RBFOX1: variants seen among roughly 807,000 people sequenced by gnomAD.
RBFOX1 encodes RNA binding protein fox-1 homolog 1.
A neutral mutation model predicts 57.7 loss-of-function variants in RBFOX1; 8 were observed. That is an observed-to-expected ratio of 0.14 (90% CI 0.08 to 0.25). The LOEUF is 0.25. Ranked by LOEUF, RBFOX1 falls within the 10% of genes least tolerant of loss-of-function variation. The pLI is 1.00. For synonymous variants in RBFOX1, 326 were observed against 222.4 expected (o/e 1.47, Z -4.15); for missense variants, 611 against 548.5 (o/e 1.11, Z -1.14).
rs1208712046 is a variant in RBFOX1 at position 6,508,053 on chromosome 16, G to A, written c.-63-146550G>A. Among the ~76,000 whole-genome samples, 5 of 152,294 alleles carry A rather than the reference G, an allele frequency of 3.3e-5. No individual in the cohort carries two copies. In the East Asian group the frequency reaches 9.7e-4, roughly 29 times the overall value. ...CAGCCATAAAAAAGAAAAAGATCATGTCCTTTGCAGGGACATGAATGGAGC... is the reference window on the plus strand; with the variant it reads ...CAGCCATAAAAAAGAAAAAGATCATATCCTTTGCAGGGACATGAATGGAGC... On this transcript the variant is annotated intron_variant, in intron 2 of 15. Transcript: ENST00000550418.
At chr16:7,050,628 A>T (rs1053591919) in intron 3 of RBFOX1, among the ~76,000 whole-genome samples, 6 of 152,054 alleles carry the variant, frequency 3.9e-5, no homozygotes, top group Non-Finnish European at 7.4e-5. Flanking sequence ...GAACCATAAT[A>T]TTGTATATTT....
chr16:5,955,118 T>TTAAAAAAAAAAAAAAAA (rs2059599305), intron 4 of RBFOX1, among the ~76,000 whole-genome samples: 3 of 14,290 alleles, frequency 2.1e-4, no homozygotes, highest in African/African-American at 1.1e-3. Context: ...CCATCTCTAC[T>TTAAAAAAAAAAAAAAAA]AAAAAAAAAA....
chr16:5,975,599 C>T (rs2060046721), intron 4 of RBFOX1, among the ~76,000 whole-genome samples: 1 of 152,144 alleles, frequency 6.6e-6, no homozygotes, highest in Admixed American at 6.6e-5. Context: ...ATTCATCTTT[C>T]CTGTGTCCAG....
chr16:7,476,957 A>G (rs1037949238), intron 4 of RBFOX1, among the ~76,000 whole-genome samples: 1 of 152,088 alleles, frequency 6.6e-6, no homozygotes, highest in Non-Finnish European at 1.5e-5. Flanking sequence ...CCCCTCCATC[A>G]TAGTGCAATT....
intron 2 of RBFOX1, among the ~76,000 whole-genome samples, chr16:6,574,543 C>A (rs912409611): frequency 2.7e-5 from 4 of 149,992 alleles, no homozygotes; most frequent in African/African-American, 9.7e-5. Flanking sequence ...ATTCTCCTGC[C>A]TCAGCCTCCC....
chr16:6,229,545 A>C (rs2097442958), intron 1 of RBFOX1, among the ~76,000 whole-genome samples: 1 of 152,252 alleles, frequency 6.6e-6, no homozygotes, highest in Non-Finnish European at 1.5e-5. Context: ...CGCTCATAAA[A>C]AGAGATAAAT....
At chr16:7,029,815 G>T (rs1435684795) in intron 3 of RBFOX1, among the ~76,000 whole-genome samples, 1 of 152,120 alleles carries the variant, frequency 6.6e-6, no homozygotes, top group African/African-American at 2.4e-5. Flanking sequence ...ATTATGAAAA[G>T]CATGGCTTGT....
chr16:6,448,876 G>C (rs896527787), intron 2 of RBFOX1, among the ~76,000 whole-genome samples: 5 of 152,080 alleles, frequency 3.3e-5, no homozygotes, highest in African/African-American at 9.7e-5. Flanking sequence ...TTTATTTTGA[G>C]TTGAGAGATA....
Position 6,153,832 on chromosome 16 carries a change from G to A in RBFOX1, c.-127+133840G>A, listed in dbSNP as rs145482677. Among the ~76,000 whole-genome samples the A allele has an allele frequency of 6.7e-4, 102 of 152,198 alleles. 1 individual carries two copies. Among genetic ancestry groups the A allele is most frequent in the African/African-American group, 2.1e-3 (87 of 41,542 alleles). ...ATTACAGGTGTGAGCCACCATGCCC[G>A]GCCCATTATATCATCTTAGGCTTCG... On this transcript the variant is annotated intron_variant, in intron 1 of 15. Coordinates refer to ENST00000550418, the MANE Select transcript of RBFOX1 (RefSeq NM_018723.4).
chr16:7,038,440 A>G (rs1259622108), intron 3 of RBFOX1, among the ~76,000 whole-genome samples: 1 of 152,196 alleles, frequency 6.6e-6, no homozygotes, highest in Non-Finnish European at 1.5e-5. Flanking sequence ...TTGGTTCACA[A>G]AATACCTTAT....
intron 3 of RBFOX1, among the ~76,000 whole-genome samples, chr16:5,796,581 A>ATGATGG (rs1443976991): frequency 6.8e-6 from 1 of 147,408 alleles, no homozygotes; most frequent in Non-Finnish European, 1.5e-5. Flanking sequence ...GATGATGATG[A>ATGATGG]TGGTGACAGC....
intron 1 of RBFOX1, among the ~76,000 whole-genome samples, chr16:6,129,087 T>C (rs2096610935): frequency 7.7e-6 from 1 of 129,350 alleles, no homozygotes; most frequent in Non-Finnish European, 1.9e-5. Context: ...ATTTCTATAA[T>C]GCATTATGCA....
intron 3 of RBFOX1, among the ~76,000 whole-genome samples, chr16:7,028,588 AC>A (rs2041680117): frequency 6.7e-5 from 2 of 30,024 alleles, no homozygotes; most frequent in East Asian, 1.1e-3. Context: ...ACTCCCTCAC[AC>A]ACACACACAC....
chr16:7,011,141 G>A (rs1402838800), intron 3 of RBFOX1, among the ~76,000 whole-genome samples: 1 of 151,474 alleles, frequency 6.6e-6, no homozygotes, highest in African/African-American at 2.4e-5. Flanking sequence ...TTACATAGTT[G>A]AAAAGTCAAA....
chr16:7,603,056 C>G (rs1033563853), intron 9 of RBFOX1, among the ~76,000 whole-genome samples: 2 of 152,134 alleles, frequency 1.3e-5, no homozygotes, highest in African/African-American at 4.8e-5. Flanking sequence ...ATGCCAAAGT[C>G]TATGGGATAC....
intron 4 of RBFOX1, among the ~76,000 whole-genome samples, chr16:6,009,530 T>C (rs939483582): frequency 6.6e-6 from 1 of 152,190 alleles, no homozygotes; most frequent in African/African-American, 2.4e-5. Flanking sequence ...AAAATACCTG[T>C]AGATTTTAAT....
intron 1 of RBFOX1, among the ~76,000 whole-genome samples, chr16:5,367,569 A>G (rs1384954937): frequency 6.6e-6 from 1 of 152,214 alleles, no homozygotes; most frequent in African/African-American, 2.4e-5. Context: ...AACCTTCCCC[A>G]GTGGATACTA....
At chr16:7,693,408 TCAGTATCC>T in intron 14 of RBFOX1, 2 of 1,297,910 alleles carry the variant, frequency 1.5e-6, no homozygotes, top group Non-Finnish European at 2.1e-6. Context: ...CATCCAAGTC[TCAGTATCC>T]TTTTTTTTTT....
At chr16:7,662,885 T>C (rs764581450) in intron 12 of RBFOX1, among the ~76,000 whole-genome samples, 2 of 152,254 alleles carry the variant, frequency 1.3e-5, no homozygotes, top group African/African-American at 2.4e-5. Context: ...TCAAGTAATA[T>C]GTGCAAAGGC....
Sources: gnomAD v4.1 joint callset for allele counts (sites outside exome capture counted in the v4.1 genomes callset) on GRCh38, gnomAD v4.1.1 for gene constraint, MANE v1.5 for transcripts, NCBI Gene and HGNC (gene_info 2026-07-23, HGNC 2026-07-21) for gene names.